Variants in RBFOX1 observed in about 807,000 individuals in gnomAD.
RBFOX1 encodes the protein RNA binding fox-1 homolog 1, also known as RNA binding protein fox-1 homolog 1.
RBFOX1 carries 8 observed loss-of-function variants against 57.7 expected under a neutral mutation model. The ratio of observed to expected loss-of-function variants is 0.14; its 90% CI spans 0.08 to 0.25. The LOEUF (loss-of-function observed/expected upper bound fraction) is 0.25. RBFOX1 is among the 10% of genes least tolerant of loss of function. The pLI is 1.00. For missense variants in RBFOX1, 611 were observed against 548.5 expected (o/e 1.11, Z -1.14); for synonymous variants, 326 against 222.4 (o/e 1.47, Z -4.15).
intron 1 of RBFOX1, among the ~76,000 whole-genome samples, chr16:5,387,798 G>A (rs2066296779): frequency 6.6e-6 from 1 of 152,204 alleles, no homozygotes; most frequent in African/African-American, 2.4e-5. Flanking sequence ...TGGAATTAAG[G>A]TTGGTTATTG....
At chr16:6,897,797 A>G (rs1265246029) in intron 3 of RBFOX1, among the ~76,000 whole-genome samples, 2 of 152,136 alleles carry the variant, frequency 1.3e-5, no homozygotes, top group Non-Finnish European at 1.5e-5. Flanking sequence ...CCGTCTCAAA[A>G]AATAAAAAAA....
chr16:5,975,744 G>T (rs2060049285), intron 4 of RBFOX1, among the ~76,000 whole-genome samples: 1 of 152,322 alleles, frequency 6.6e-6, no homozygotes, highest in East Asian at 1.9e-4. Flanking sequence ...TCTAGGTTCT[G>T]CCATTTGCTG....
chr16:7,012,312 G>C (rs993964627), intron 3 of RBFOX1, among the ~76,000 whole-genome samples: 1 of 152,182 alleles, frequency 6.6e-6, no homozygotes, highest in African/African-American at 2.4e-5. Context: ...TGGCAGGTGA[G>C]ATCTCATAAC....
chr16:5,912,781 C>T (rs560492734), intron 4 of RBFOX1, among the ~76,000 whole-genome samples: 3 of 152,132 alleles, frequency 2.0e-5, no homozygotes, highest in South Asian at 4.2e-4. Context: ...TAATTAGAGG[C>T]GGCAGAGTTG....
chr16:7,534,679 T>C (rs11862855), intron 5 of RBFOX1, among the ~76,000 whole-genome samples: 12,820 of 152,140 alleles, frequency 0.084, 735 homozygotes, highest in East Asian at 0.22. Flanking sequence ...GTCTAATGTA[T>C]TTAGCCGGGG....
chr16:6,886,267 G>C (rs968794493), intron 3 of RBFOX1, among the ~76,000 whole-genome samples: 1 of 151,592 alleles, frequency 6.6e-6, no homozygotes, highest in African/African-American at 2.4e-5. Context: ...TCACCATGTT[G>C]GCCAGGATAG....
At chr16:7,174,158 T>A (rs1222530895) in intron 4 of RBFOX1, among the ~76,000 whole-genome samples, 1 of 151,734 alleles carries the variant, frequency 6.6e-6, no homozygotes, top group East Asian at 2.0e-4. Context: ...ATTATTTAAT[T>A]TAGCAGAAAG....
intron 4 of RBFOX1, among the ~76,000 whole-genome samples, chr16:7,240,139 G>C (rs2093983707): frequency 6.6e-6 from 1 of 152,052 alleles, no homozygotes; most frequent in Non-Finnish European, 1.5e-5. Flanking sequence ...GCTAATTTTT[G>C]TATTTTCAGT....
At chr16:7,212,490 C>G (rs995955010) in intron 4 of RBFOX1, among the ~76,000 whole-genome samples, 3 of 152,110 alleles carry the variant, frequency 2.0e-5, no homozygotes, top group Non-Finnish European at 4.4e-5. Flanking sequence ...ATTACAAAAT[C>G]AGGTACACCC....
intron 4 of RBFOX1, among the ~76,000 whole-genome samples, chr16:5,891,264 C>T (rs1312438308): frequency 1.3e-5 from 2 of 152,114 alleles, no homozygotes; most frequent in Non-Finnish European, 2.9e-5. Context: ...AAGCCAAGGG[C>T]ACGGGAGGAG....
At chr16:5,501,201 C>A (rs7188439) in intron 2 of RBFOX1, among the ~76,000 whole-genome samples, 1 of 150,800 alleles carries the variant, frequency 6.6e-6, no homozygotes, top group African/African-American at 2.4e-5. Flanking sequence ...GCCTGTAATC[C>A]CAGCTACTAG....
At chr16:5,840,129 G>A (rs2056580988) in intron 3 of RBFOX1, among the ~76,000 whole-genome samples, 1 of 152,148 alleles carries the variant, frequency 6.6e-6, no homozygotes, top group African/African-American at 2.4e-5. Context: ...TCCAAAGTCA[G>A]CAGAGAGTCC....
At position 6,788,907 on chromosome 16, in the gene RBFOX1, T is replaced by C. The variant is rs530752983; in HGVS notation, c.-16+134257T>C. 2.0e-5 allele frequency among the ~76,000 whole-genome samples: 3 copies of C among 152,286 alleles called. No individual in the cohort carries two copies. In the South Asian group the frequency reaches 6.2e-4, roughly 32 times the overall value. On this transcript the variant is annotated intron_variant, in intron 3 of 15. Transcript: ENST00000550418. Reference sequence around the variant, plus strand: ...GTAGCTAACTCTCTGCTCTAAGAACTCAGCGTCCCCAAGCCAACTTCCCGA... The same window carrying C: ...GTAGCTAACTCTCTGCTCTAAGAACCCAGCGTCCCCAAGCCAACTTCCCGA...
chr16:6,954,482 A>G (rs1349600117), intron 3 of RBFOX1, among the ~76,000 whole-genome samples: 1 of 152,156 alleles, frequency 6.6e-6, no homozygotes, highest in Non-Finnish European at 1.5e-5. Flanking sequence ...TTAAAACGTA[A>G]TTTTGTTGAA....
At chr16:6,392,281 C>G (rs181147238) in intron 2 of RBFOX1, among the ~76,000 whole-genome samples, 1 of 152,284 alleles carries the variant, frequency 6.6e-6, no homozygotes, top group Admixed American at 6.5e-5. Flanking sequence ...CTTATTTTGT[C>G]TTCATTGAAT....
intron 14 of RBFOX1, among the ~76,000 whole-genome samples, chr16:7,701,026 G>T (rs576964497): frequency 2.0e-5 from 3 of 152,252 alleles, no homozygotes; most frequent in Admixed American, 6.5e-5. Context: ...CTCATGTAGG[G>T]TCTAAAAAGC....
intron 4 of RBFOX1, among the ~76,000 whole-genome samples, chr16:7,213,378 C>G (rs1419833756): frequency 1.3e-5 from 2 of 152,278 alleles, no homozygotes; most frequent in African/African-American, 4.8e-5. Flanking sequence ...ATCAGTATTT[C>G]TTTAAGTTCC....
At chr16:7,154,154 T>C (rs574531545) in intron 4 of RBFOX1, among the ~76,000 whole-genome samples, 6 of 152,236 alleles carry the variant, frequency 3.9e-5, no homozygotes, top group African/African-American at 1.2e-4. Flanking sequence ...CATCCAAAAG[T>C]TATTTGTTGA....
At chr16:7,272,864 G>A (rs140591520) in intron 4 of RBFOX1, among the ~76,000 whole-genome samples, 48 of 101,936 alleles carry the variant, frequency 4.7e-4, no homozygotes, top group Non-Finnish European at 7.2e-4. Flanking sequence ...CTTCCCTTCC[G>A]TTCTTCCCTT....
Sources: allele counts gnomAD v4.1 joint callset (sites outside exome capture counted in the v4.1 genomes callset), GRCh38; gene constraint gnomAD v4.1.1; transcripts MANE v1.5; gene names NCBI Gene and HGNC (gene_info 2026-07-23, HGNC 2026-07-21).